Variants in GCGR observed in about 807,000 individuals in gnomAD.
GCGR encodes the protein glucagon receptor.
Under a neutral mutation model 56.1 loss-of-function variants are expected in GCGR, and 41 were observed. The ratio of observed to expected loss-of-function variants is 0.73; its 90% CI spans 0.57 to 0.95. The LOEUF (loss-of-function observed/expected upper bound fraction) is 0.95, where lower values mean the gene tolerates loss of function less well. Ranked by LOEUF, GCGR falls within the 40% of genes least tolerant of loss-of-function variation. The pLI, the probability that GCGR is intolerant of heterozygous loss-of-function variation, is 0.00. For synonymous variants in GCGR, 278 were observed against 271.1 expected, an observed-to-expected ratio of 1.03 and a Z score of -0.25; for missense variants, 595 against 638.2, an observed-to-expected ratio of 0.93 and a Z score of 0.73.
chr17:81,808,602 C>G (rs139859946), intron 1 of GCGR, among the ~76,000 whole-genome samples: 23,466 of 151,020 alleles, frequency 0.16, 1,943 homozygotes, highest in Admixed American at 0.21. Flanking sequence ...TCACTGCAAG[C>G]TCTGCCTCCC....
At chr17:81,807,844 C>T (rs560125696) in intron 1 of GCGR, among the ~76,000 whole-genome samples, 57 of 152,384 alleles carry the variant, frequency 3.7e-4, no homozygotes, top group African/African-American at 1.2e-3. Context: ...GTTGCCACCC[C>T]GAACTCCCAG....
rs2038159814 is a variant in GCGR, at chr17:81,813,928, T to C, written c.*239T>C. ...CGGGAGTGGGGGCTGTGCCGTGAAC[T>C]GCGTGCCAGTGTCCCCACGTATGTC... On this transcript the variant is annotated 3_prime_UTR_variant, in exon 14 of 14. Coordinates refer to ENST00000400723, the MANE Select transcript of GCGR (RefSeq NM_000160.5). The surrounding 1 kb of genome is among the most constrained non-coding windows in gnomAD (Gnocchi z 5.3). 1 of 566,996 alleles carries C rather than the reference T, an allele frequency of 1.8e-6. No homozygotes were observed. Among genetic ancestry groups the C allele is most frequent in the East Asian group, 2.9e-5 (1 of 34,764 alleles). The allele number at this position is 566,996 out of a possible 1,614,324, so 35.1% of individuals were successfully genotyped here.
Position 81,813,602 on chromosome 17 carries a change from G to GT in GCGR, c.1350dup (p.Gly451TrpfsTer21). On this transcript the variant is annotated frameshift_variant, in exon 14 of 14. Transcript: ENST00000400723. LOFTEE classifies it low-confidence loss of function (END_TRUNC). The surrounding 1 kb of genome is among the most constrained non-coding windows in gnomAD (Gnocchi z 5.3). ...ACGGCCCTCCCAGCAAGGAGCTGCAGTTTGGGAGGGGTGGTGGCAGCCAGG... is the reference window on the plus strand; with the variant it reads ...ACGGCCCTCCCAGCAAGGAGCTGCAGTTTTGGGAGGGGTGGTGGCAGCCAGG... The GT allele has an allele frequency of 6.5e-7, 1 of 1,536,608 alleles. No homozygotes were observed. The highest frequency in any genetic ancestry group is 1.4e-5 in the African/African-American group (1 of 73,152).
chr17:81,807,660 A>G (rs1324871225), intron 1 of GCGR, among the ~76,000 whole-genome samples: 1 of 152,054 alleles, frequency 6.6e-6, no homozygotes, highest in Admixed American at 6.5e-5. Context: ...CTCTTATTCC[A>G]TTTGAGGGTG....
chr17:81,808,676 C>T (rs535680774), intron 1 of GCGR, among the ~76,000 whole-genome samples, 166 bp from the exon 2 acceptor site: 3 of 152,226 alleles, frequency 2.0e-5, no homozygotes, highest in South Asian at 2.1e-4. Flanking sequence ...CCCGCCACCA[C>T]GCCTGGCTAA....
rs1008826316 is a variant in GCGR, at chr17:81,811,126, G to T, written c.388G>T (p.Val130Phe). 2.6e-6 allele frequency: 4 copies of T among 1,536,122 alleles called. No individual in the cohort carries two copies. The highest frequency in any genetic ancestry group is 3.5e-6 in the Non-Finnish European group (4 of 1,146,834). ...QCQMDGEEIE[V>F]QKEVAKMYSS... ...CCAGATGGATGGCGAGGAGATTGAGGTCCAGGTCAGTGGGCGGCAGGCAGG... is the reference window on the plus strand; with the variant it reads ...CCAGATGGATGGCGAGGAGATTGAGTTCCAGGTCAGTGGGCGGCAGGCAGG... Residue 130 changes from valine (V) to phenylalanine (F), a missense_variant, in exon 5 of 14, where the codon GTC becomes TTC. Coordinates refer to ENST00000400723, the MANE Select transcript of GCGR (RefSeq NM_000160.5). This position sits in a 1 kb window ranked among gnomAD's most constrained non-coding sequence, Gnocchi z 5.8.
Position 81,812,993 on chromosome 17 carries a change from C to T in GCGR, c.1177-23C>T. ...CCCCGCCCGGGGCGCAGTGTGCCACCCCTGACCACCCTGTCTCTCCAGGGC... is the reference window on the plus strand; with the variant it reads ...CCCCGCCCGGGGCGCAGTGTGCCACTCCTGACCACCCTGTCTCTCCAGGGC... On this transcript the variant is annotated intron_variant, in intron 12 of 13. Coordinates refer to ENST00000400723, the MANE Select transcript of GCGR (RefSeq NM_000160.5). This position sits in a 1 kb window ranked among gnomAD's most constrained non-coding sequence, Gnocchi z 8.5. 1 of 1,536,236 alleles carries T rather than the reference C, an allele frequency of 6.5e-7. No individual in the cohort carries two copies. The highest frequency in any genetic ancestry group is 2.4e-5 in the East Asian group (1 of 40,906).
In GCGR at chr17:81,811,714, T is replaced by G. The variant is rs867191607; in HGVS notation, c.721T>G (p.Trp241Gly). 1.3e-6 allele frequency: 2 copies of G among 1,543,924 alleles called. No homozygotes were observed. The highest frequency in any genetic ancestry group is 2.4e-5 in the South Asian group (2 of 84,452). Reference protein sequence around the residue: ...MQYGIVANYCWLLVEGLYLHN... With the variant: ...MQYGIVANYCGLLVEGLYLHN... ...ATATGGCATCGTGGCCAACTACTGC[T>G]GGCTGCTGGTGGAGGGCCTGTACCT... The change falls in exon 8 of 14, where the codon TGG becomes GGG. Residue 241 changes from tryptophan (W) to glycine (G), a missense_variant. By Grantham distance (184) the Trp-to-Gly change is radical (BLOSUM62 -2). Coordinates refer to ENST00000400723, the MANE Select transcript of GCGR (RefSeq NM_000160.5). The surrounding 1 kb of genome is among the most constrained non-coding windows in gnomAD (Gnocchi z 5.8).
chr17:81,806,502 T>C lies in GCGR; in HGVS notation c.-178+2253T>C, dbSNP rs2037968221. 6.6e-6 allele frequency among the ~76,000 whole-genome samples: 1 copy of C among 152,104 alleles called. No homozygotes were observed. The highest frequency in any genetic ancestry group is 2.1e-4 in the South Asian group (1 of 4,824). On this transcript the variant is annotated intron_variant, in intron 1 of 13. Transcript: ENST00000400723. This position sits in a 1 kb window ranked among gnomAD's most constrained non-coding sequence, Gnocchi z 6.5. ...GTCCTGACTGTTTCAAAGAAAGGCC[T>C]GGGGGACTGGGCAGCCAACCCCTCC...
In GCGR at chr17:81,813,102, G is replaced by A. The variant is rs548209193; in HGVS notation, c.1218+45G>A. 84 of 1,534,606 alleles carry A rather than the reference G, an allele frequency of 5.5e-5. No homozygotes were observed. Among genetic ancestry groups the A allele is most frequent in the African/African-American group, 3.1e-4 (23 of 73,050 alleles). On this transcript the variant is annotated intron_variant, in intron 13 of 13. Transcript: ENST00000400723. This position sits in a 1 kb window ranked among gnomAD's most constrained non-coding sequence, Gnocchi z 5.3. Reference sequence around the variant, plus strand: ...TCTGAGACCATCAGCACTGGCCGTCGGGGTCAGGGGCAGAGAGAGGCACAG... The same window carrying A: ...TCTGAGACCATCAGCACTGGCCGTCAGGGTCAGGGGCAGAGAGAGGCACAG...
rs776903275 is a variant in GCGR at position 81,811,597 on chromosome 17, G to T, written c.657+37G>T. ...TCGGCGGCCCCAGGCAGGTGGGTGG[G>T]TGGGCAGCCAGGCAGGTGGCCACGT... On this transcript the variant is annotated intron_variant, in intron 7 of 13. Transcript: ENST00000400723. The surrounding 1 kb of genome is among the most constrained non-coding windows in gnomAD (Gnocchi z 5.8). 3 of 1,535,972 alleles carry T rather than the reference G, an allele frequency of 2.0e-6. No homozygotes were observed. The highest frequency in any genetic ancestry group is 2.6e-6 in the Non-Finnish European group (3 of 1,146,798).
In GCGR at chr17:81,810,726, C is replaced by A; in HGVS notation, c.164-99C>A. 1 of 1,177,560 alleles carries A rather than the reference C, an allele frequency of 8.5e-7. No individual in the cohort carries two copies. The highest frequency in any genetic ancestry group is 1.2e-6 in the Non-Finnish European group (1 of 823,920). 72.9% of individuals were successfully genotyped at this position (1,177,560 alleles called of 1,614,324 possible). ...GCCATGTCCTGGGCGAGGTGACGGCCGAGCTCAGGCTTCCAGAGAGAGGAG... is the reference window on the plus strand; with the variant it reads ...GCCATGTCCTGGGCGAGGTGACGGCAGAGCTCAGGCTTCCAGAGAGAGGAG... On this transcript the variant is annotated intron_variant, in intron 3 of 13. Transcript: ENST00000400723. The surrounding 1 kb of genome is among the most constrained non-coding windows in gnomAD (Gnocchi z 4.6).
rs1445719862 is a variant in GCGR, at chr17:81,804,837, G to A, written c.-178+588G>A. On this transcript the variant is annotated intron_variant, in intron 1 of 13. Transcript: ENST00000400723. The surrounding 1 kb of genome is among the most constrained non-coding windows in gnomAD (Gnocchi z 8.2). ...CCTGCCCGGCTCCGGCCCCCCCGGC[G>A]CCCCACCACCCGGCCGACTCGGCCA... 1.3e-5 allele frequency among the ~76,000 whole-genome samples: 2 copies of A among 152,076 alleles called. No homozygotes were observed. Among genetic ancestry groups the A allele is most frequent in the African/African-American group, 4.8e-5 (2 of 41,414 alleles).
rs1402224037 is a variant in GCGR, at chr17:81,812,773, G to C, written c.1038-34G>C. ...ACGTGGATGGTGCGGGCCGAGGGTG[G>C]GGGCGGTGGGTGACTCAGGCGCTGC... On this transcript the variant is annotated intron_variant, in intron 11 of 13. Transcript: ENST00000400723. This position sits in a 1 kb window ranked among gnomAD's most constrained non-coding sequence, Gnocchi z 8.5. 1.3e-6 allele frequency: 2 copies of C among 1,535,004 alleles called. No homozygotes were observed. Among genetic ancestry groups the C allele is most frequent in the East Asian group, 4.9e-5 (2 of 40,876 alleles).
At position 81,808,903 on chromosome 17, in the gene GCGR, G is replaced by A; in HGVS notation, c.-116G>A. ...CACCCCACTGGCCAGGACGCCCCAGGCTCTGCTGCTCTGCCACTCAGCTGC... is the reference window on the plus strand; with the variant it reads ...CACCCCACTGGCCAGGACGCCCCAGACTCTGCTGCTCTGCCACTCAGCTGC... On this transcript the variant is annotated 5_prime_UTR_variant, in exon 2 of 14. Coordinates refer to ENST00000400723, the MANE Select transcript of GCGR (RefSeq NM_000160.5). 7.7e-7 allele frequency: 1 copy of A among 1,299,642 alleles called. No homozygotes were observed. The highest frequency in any genetic ancestry group is 1.1e-6 in the Non-Finnish European group (1 of 933,966). The allele number at this position is 1,299,642 out of a possible 1,614,324, so 80.5% of individuals were successfully genotyped here. A position where few individuals can be genotyped will look rare whatever the true frequency, so the allele number is the denominator to read the frequency against.
In GCGR at chr17:81,813,280, G is replaced by C. The variant is rs925404988; in HGVS notation, c.1219-194G>C. On this transcript the variant is annotated intron_variant, in intron 13 of 13. Coordinates refer to ENST00000400723, the MANE Select transcript of GCGR (RefSeq NM_000160.5). This position sits in a 1 kb window ranked among gnomAD's most constrained non-coding sequence, Gnocchi z 5.3. ...CCCCATCGCTACGGTGTCCACCGTG[G>C]GGGTCCCCAGGTGTCTGCAGACTGC... Among the ~76,000 whole-genome samples, 1 of 152,166 alleles carries C rather than the reference G, an allele frequency of 6.6e-6. No homozygotes were observed. Among genetic ancestry groups the C allele is most frequent in the Admixed American group, 6.5e-5 (1 of 15,286 alleles).
rs770881486 is a variant in GCGR, at chr17:81,812,176, CT to C, written c.879-6del. 1.4e-5 allele frequency: 21 copies of C among 1,536,138 alleles called. No homozygotes were observed. The highest frequency in any genetic ancestry group is 1.8e-5 in the Non-Finnish European group (21 of 1,146,760). On this transcript the variant is annotated splice_region_variant and splice_polypyrimidine_tract_variant and intron_variant, in intron 9 of 13. Coordinates refer to ENST00000400723, the MANE Select transcript of GCGR (RefSeq NM_000160.5). This position sits in a 1 kb window ranked among gnomAD's most constrained non-coding sequence, Gnocchi z 8.5. ...TGCCCCAGTATGTGAGTGGCCTGGC[CT>C]CGCAGGTGCTGGACCAGCAATGACA...
chr17:81,807,923 G>T (rs976874034), intron 1 of GCGR, among the ~76,000 whole-genome samples: 10 of 152,212 alleles, frequency 6.6e-5, no homozygotes, highest in African/African-American at 2.4e-4. Flanking sequence ...CACCACGGGG[G>T]ATGTCCTCCC....
chr17:81,810,680 G>A lies in GCGR; in HGVS notation c.164-145G>A, dbSNP rs572269001. The A allele has an allele frequency of 6.8e-6, 5 of 734,450 alleles. No homozygotes were observed. The highest frequency in any genetic ancestry group is 1.7e-5 in the South Asian group (1 of 59,332). The allele number at this position is 734,450 out of a possible 1,614,324, so 45.5% of individuals were successfully genotyped here. On this transcript the variant is annotated intron_variant, in intron 3 of 13. Transcript: ENST00000400723. The surrounding 1 kb of genome is among the most constrained non-coding windows in gnomAD (Gnocchi z 4.6). ...GTCAGATGGGGGAGGTGGAGGTCAAGTGGGGGAGGGAGCAGCCCAGGCCAT... is the reference window on the plus strand; with the variant it reads ...GTCAGATGGGGGAGGTGGAGGTCAAATGGGGGAGGGAGCAGCCCAGGCCAT...
Sources: allele counts gnomAD v4.1 joint callset (sites outside exome capture counted in the v4.1 genomes callset), GRCh38; gene constraint gnomAD v4.1.1; non-coding constraint Gnocchi (gnomAD v3.1); transcripts MANE v1.5; gene names NCBI Gene and HGNC (gene_info 2026-07-23, HGNC 2026-07-21).